Variants in PHLDB2 observed in about 807,000 individuals in gnomAD.
The protein encoded by PHLDB2 is pleckstrin homology-like domain family B member 2.
In PHLDB2, 71 loss-of-function variants were observed where a neutral mutation model predicts 123.6. The ratio of observed to expected loss-of-function variants is 0.57; its 90% CI spans 0.47 to 0.70. PHLDB2 has a LOEUF of 0.70. Among genes scored for constraint, PHLDB2 ranks in the 30% least tolerant of loss-of-function variants. PHLDB2 has a pLI of 0.00. For missense variants in PHLDB2, 1,446 were observed against 1,519.5 expected (o/e 0.95, Z 0.80); for synonymous variants, 547 against 541.6 (o/e 1.01, Z -0.14).
chr3:111,773,835 T>C (rs961320307), intron 1 of PHLDB2, among the ~76,000 whole-genome samples: 1 of 152,234 alleles, frequency 6.6e-6, no homozygotes, highest in Admixed American at 6.5e-5. Flanking sequence ...TTATTTCTAA[T>C]ATCTCAAAAC....
At position 111,967,826 on chromosome 3, in the gene PHLDB2, T is replaced by C. The variant is rs780480622; in HGVS notation, c.3315+2T>C. 1.2e-6 allele frequency: 2 copies of C among 1,604,212 alleles called. No homozygotes were observed. The highest frequency in any genetic ancestry group is 1.7e-6 in the Non-Finnish European group (2 of 1,177,132). On this transcript the variant is annotated splice_donor_variant, in intron 15 of 17. Coordinates refer to ENST00000431670, the MANE Select transcript of PHLDB2 (RefSeq NM_001134438.2). LOFTEE classifies it high-confidence loss of function. ...ATAAGGGAGAGACAAAGGGCACAGG[T>C]TGGTCGGTCAATCTGAATGCATATG... is the stretch of plus-strand genomic sequence containing the variant.
intron 5 of PHLDB2, among the ~76,000 whole-genome samples, chr3:111,921,804 A>G (rs983583956): frequency 1.4e-4 from 21 of 152,170 alleles, no homozygotes; most frequent in African/African-American, 5.1e-4. Flanking sequence ...GGGTTTCACC[A>G]TGTTAGCCAG....
In PHLDB2 at chr3:111,739,837, C is replaced by T. The variant is rs1386505744; in HGVS notation, c.-49+7134C>T. Among the ~76,000 whole-genome samples the T allele has an allele frequency of 5.9e-5, 9 of 151,842 alleles. No homozygotes were observed. In the East Asian group the frequency reaches 7.7e-4, roughly 13 times the overall value. Reference sequence around the variant, plus strand: ...AAGGGAGACTGCATCCTCCAGGCCCCGAACCAAAAAGGCAGGTTTTTTTTT... The same window carrying T: ...AAGGGAGACTGCATCCTCCAGGCCCTGAACCAAAAAGGCAGGTTTTTTTTT... On this transcript the variant is annotated intron_variant, in intron 1 of 17. Coordinates refer to the PHLDB2 transcript ENST00000393923.
At chr3:111,739,603 A>C (rs13095649) in intron 1 of PHLDB2, among the ~76,000 whole-genome samples, 44,448 of 145,442 alleles carry the variant, frequency 0.31, 8,574 homozygotes, top group African/African-American at 0.51. Flanking sequence ...CAAACAAAAA[A>C]AAAAAACAAT....
chr3:111,909,809 A>G (rs1173491486), intron 2 of PHLDB2, among the ~76,000 whole-genome samples: 3 of 152,166 alleles, frequency 2.0e-5, no homozygotes, highest in South Asian at 2.1e-4. Context: ...CAACTAAATT[A>G]TATCTAAAAA....
intron 1 of PHLDB2, among the ~76,000 whole-genome samples, chr3:111,767,843 G>T (rs959908883): frequency 2.0e-5 from 3 of 152,090 alleles, no homozygotes; most frequent in Non-Finnish European, 2.9e-5. Context: ...TTTAAATGTG[G>T]CTACTAAATT....
At chr3:111,754,044 T>A (rs905112601) in intron 1 of PHLDB2, among the ~76,000 whole-genome samples, 1 of 152,160 alleles carries the variant, frequency 6.6e-6, no homozygotes, top group Admixed American at 6.5e-5. Context: ...GCTGTTTTGG[T>A]TACTGTAGCC....
chr3:111,851,112 A>G (rs1398899998), intron 2 of PHLDB2, among the ~76,000 whole-genome samples: 3 of 148,610 alleles, frequency 2.0e-5, no homozygotes, highest in Admixed American at 6.8e-5. Flanking sequence ...GGAGAATGGC[A>G]TGAACCCATG....
intron 1 of PHLDB2, among the ~76,000 whole-genome samples, chr3:111,815,599 T>C (rs1320382623): frequency 2.6e-5 from 4 of 152,214 alleles, no homozygotes; most frequent in Non-Finnish European, 5.9e-5. Context: ...TTAGGGTATC[T>C]GGCCGAAGAA....
intron 2 of PHLDB2, among the ~76,000 whole-genome samples, chr3:111,902,946 A>G (rs2067283547): frequency 1.3e-5 from 2 of 152,158 alleles, no homozygotes; most frequent in African/African-American, 4.8e-5. Context: ...CAATTTATTC[A>G]GTTTTTATTT....
At chr3:111,807,945 T>TG (rs1361628811) in intron 1 of PHLDB2, among the ~76,000 whole-genome samples, 1 of 27,756 alleles carries the variant, frequency 3.6e-5, no homozygotes, top group Non-Finnish European at 7.6e-5. Context: ...ATAAGCTGGG[T>TG]GTTTTTTTTT....
At chr3:111,754,109 C>G (rs1026053925) in intron 1 of PHLDB2, among the ~76,000 whole-genome samples, 2 of 151,968 alleles carry the variant, frequency 1.3e-5, no homozygotes, top group Non-Finnish European at 2.9e-5. Context: ...GTTCTTTTGG[C>G]TTAGGATTGA....
chr3:111,959,542 G>A (rs942215923), intron 12 of PHLDB2, among the ~76,000 whole-genome samples: 4 of 152,216 alleles, frequency 2.6e-5, no homozygotes, highest in East Asian at 3.8e-4. Flanking sequence ...AGATTCAGTC[G>A]TAGAGTCAAA....
At chr3:111,774,891 C>T (rs1001482043) in intron 1 of PHLDB2, among the ~76,000 whole-genome samples, 4 of 151,998 alleles carry the variant, frequency 2.6e-5, no homozygotes, top group Non-Finnish European at 5.9e-5. Context: ...AAGACAATGT[C>T]GGGGAAACAT....
At chr3:111,947,846 T>A (rs977134098) in intron 9 of PHLDB2, among the ~76,000 whole-genome samples, 1 of 152,176 alleles carries the variant, frequency 6.6e-6, no homozygotes, top group African/African-American at 2.4e-5. Flanking sequence ...CTTTCAAGGT[T>A]TTTACCAAAA....
At chr3:111,806,458 C>G (rs894842394) in intron 1 of PHLDB2, among the ~76,000 whole-genome samples, 13 of 151,802 alleles carry the variant, frequency 8.6e-5, no homozygotes, top group Admixed American at 5.9e-4. Context: ...TTCTTGCCTT[C>G]TTGAATCTTT....
chr3:111,921,653 G>A (rs2068510500), intron 5 of PHLDB2, among the ~76,000 whole-genome samples: 1 of 144,826 alleles, frequency 6.9e-6, no homozygotes, highest in Non-Finnish European at 1.5e-5. Context: ...GCCCAGGCTG[G>A]AGTGCAGTGG....
At chr3:111,964,273 A>C (rs16858949) in intron 13 of PHLDB2, among the ~76,000 whole-genome samples, 27,029 of 148,696 alleles carry the variant, frequency 0.18, 2,897 homozygotes, top group African/African-American at 0.3. Flanking sequence ...ATTAAGGGAC[A>C]AATGTGTCTC....
At chr3:111,878,933 GTGC>G (rs1427727951) in intron 1 of PHLDB2, among the ~76,000 whole-genome samples, 1 of 152,202 alleles carries the variant, frequency 6.6e-6, no homozygotes, top group African/African-American at 2.4e-5. Flanking sequence ...GCTTTTTGAT[GTGC>G]TGCTGGATTC....
Sources: gnomAD v4.1 joint callset for allele counts (sites outside exome capture counted in the v4.1 genomes callset) on GRCh38, gnomAD v4.1.1 for gene constraint, MANE v1.5 for transcripts, NCBI Gene and HGNC (gene_info 2026-07-23, HGNC 2026-07-21) for gene names.